The following COBL variants were observed in gnomAD, a reference collection of about 807,000 sequenced individuals.
COBL encodes the protein protein cordon-bleu.
Under a neutral mutation model 98.8 loss-of-function variants are expected in COBL, and 51 were observed. That is an observed-to-expected ratio of 0.52 (90% CI 0.41 to 0.65). The LOEUF is 0.65. COBL is among the 30% of genes least tolerant of loss of function. COBL has a pLI of 0.00. For missense variants in COBL, 1,617 were observed against 1,617.5 expected (o/e 1.00, Z 0.01); for synonymous variants, 634 against 651.7 (o/e 0.97, Z 0.41).
chr7:51,192,699 A>G (rs571452770), intron 3 of COBL, among the ~76,000 whole-genome samples: 4 of 152,230 alleles, frequency 2.6e-5, no homozygotes, highest in Non-Finnish European at 5.9e-5. Context: ...AGCTATGTAT[A>G]TAAGATATTC....
At chr7:51,172,123 T>C (rs1046217465) in intron 5 of COBL, among the ~76,000 whole-genome samples, 4 of 152,206 alleles carry the variant, frequency 2.6e-5, no homozygotes, top group African/African-American at 7.2e-5. Context: ...CTGAGAGCTA[T>C]AGGGTTGGAA....
chr7:51,091,659 C>A (rs1050273964), intron 6 of COBL, among the ~76,000 whole-genome samples: 34 of 152,010 alleles, frequency 2.2e-4, no homozygotes, highest in Non-Finnish European at 7.4e-5. Flanking sequence ...AATAGACATA[C>A]AAAATTTTAA....
rs567243524 is a variant in COBL, at chr7:51,142,894, C to T, written c.784-6563G>A. ...GGGTGCTTCAAAGATGGATGACATGCGATGTGTGTCCTCAGGCAGGCAGGA... is the reference window on the plus strand; with the variant it reads ...GGGTGCTTCAAAGATGGATGACATGTGATGTGTGTCCTCAGGCAGGCAGGA... On this transcript the variant is annotated intron_variant, in intron 5 of 12. Transcript: ENST00000265136. Among the ~76,000 whole-genome samples, 23 of 152,170 alleles carry T rather than the reference C, an allele frequency of 1.5e-4. No individual in the cohort carries two copies. In the South Asian group the frequency reaches 4.6e-3, roughly 30 times the overall value.
chr7:51,239,224 G>A (rs1339956619), intron 1 of COBL, among the ~76,000 whole-genome samples: 1 of 152,120 alleles, frequency 6.6e-6, no homozygotes, highest in African/African-American at 2.4e-5. Flanking sequence ...CTTAGTCACA[G>A]GATGAGATAG....
chr7:51,057,220 A>G (rs759094881), intron 7 of COBL, among the ~76,000 whole-genome samples: 2 of 152,190 alleles, frequency 1.3e-5, no homozygotes, highest in African/African-American at 2.4e-5. Context: ...TAATTGTCCT[A>G]TTTCATTGCT....
rs71018490 is a variant in COBL, at chr7:51,018,905, AATATATATATAT to A, written c.3769-1349_3769-1338del. Reference sequence around the variant, plus strand: ...AAACTCCATCTCAAAAAAAAAAAAAAATATATATATATATATATATATATATATATATATATA... The same window carrying A: ...AAACTCCATCTCAAAAAAAAAAAAAAATATATATATATATATATATATATA... On this transcript the variant is annotated intron_variant, in intron 12 of 12. Coordinates refer to ENST00000265136, the MANE Select transcript of COBL (RefSeq NM_015198.5). Among the ~76,000 whole-genome samples the A allele has an allele frequency of 7.8e-4, 27 of 34,438 alleles. 1 individual carries two copies. Among genetic ancestry groups the A allele is most frequent in the East Asian group, 7.7e-3 (6 of 784 alleles). 22.6% of individuals were successfully genotyped at this position (34,438 alleles called of 152,430 possible).
At chr7:51,268,373 C>A (rs1361148278) in intron 1 of COBL, among the ~76,000 whole-genome samples, 1 of 152,162 alleles carries the variant, frequency 6.6e-6, no homozygotes, top group Non-Finnish European at 1.5e-5. Context: ...GCCCTCTGGA[C>A]CCTCAAGCTC....
intron 6 of COBL, among the ~76,000 whole-genome samples, chr7:51,103,392 T>C (rs1795982506): frequency 2.0e-5 from 3 of 152,168 alleles, no homozygotes; most frequent in Admixed American, 1.3e-4. Flanking sequence ...GCATATATAT[T>C]GTAAATATTT....
At position 51,017,809 on chromosome 7, in the gene COBL, G is replaced by A. The variant is rs2285838; in HGVS notation, c.3769-241C>T. ...GACGACTAGCAGGATGCAGAGGCCC[G>A]AGGTCAAGGGAACTGGGAGGTGGGC... On this transcript the variant is annotated intron_variant, in intron 12 of 12. Transcript: ENST00000265136. Among the ~76,000 whole-genome samples the A allele has an allele frequency of 5.5e-3, 836 of 152,292 alleles. 34 individuals are homozygous for A. The East Asian group carries it at 0.095, about 17-fold the overall frequency.
At chr7:51,042,761 T>C (rs1196244468) in intron 8 of COBL, among the ~76,000 whole-genome samples, 2 of 152,226 alleles carry the variant, frequency 1.3e-5, no homozygotes, top group Non-Finnish European at 2.9e-5. Flanking sequence ...ATGCTCATCC[T>C]TCCTAATCAG....
intron 1 of COBL, among the ~76,000 whole-genome samples, chr7:51,295,308 T>A (rs1357784357): frequency 6.8e-6 from 1 of 147,778 alleles, no homozygotes; most frequent in African/African-American, 2.5e-5. Flanking sequence ...ACAACCTACA[T>A]GACAGGTTAG....
intron 1 of COBL, among the ~76,000 whole-genome samples, chr7:51,305,197 G>A (rs1033026506): frequency 1.3e-5 from 2 of 152,012 alleles, no homozygotes; most frequent in Non-Finnish European, 2.9e-5. Context: ...TAAAAACACC[G>A]CCCTAAGTAA....
chr7:51,316,415 GCACCACCACCCAACACCAGCACCCAA>G (rs1416862895), intron 1 of COBL, 152 bp downstream of exon 1: 1 of 399,360 alleles, frequency 2.5e-6, no homozygotes, highest in African/African-American at 2.1e-5. Flanking sequence ...TACACAGCAC[GCACCACCACCCAACACCAGCACCCAA>G]CACCAGCACC....
chr7:51,055,712 G>A (rs1398874470), intron 7 of COBL, among the ~76,000 whole-genome samples: 1 of 152,198 alleles, frequency 6.6e-6, no homozygotes, highest in Non-Finnish European at 1.5e-5. Flanking sequence ...GGCTTCCTTC[G>A]TACCTCCCCC....
chr7:51,043,244 G>C, intron 8 of COBL, 139 bp downstream of exon 8: 1 of 678,124 alleles, frequency 1.5e-6, no homozygotes, highest in Non-Finnish European at 2.5e-6. Flanking sequence ...CCTGAGAGCA[G>C]CTGCTGTGAA....
intron 4 of COBL, chr7:51,188,013 C>G: frequency 3.3e-6 from 4 of 1,220,602 alleles, no homozygotes; most frequent in Non-Finnish European, 4.1e-6. Context: ...GTGTGGGAGT[C>G]CCTGACCCAG....
chr7:51,178,268 T>A (rs1005731706), intron 5 of COBL, among the ~76,000 whole-genome samples: 1 of 152,134 alleles, frequency 6.6e-6, no homozygotes, highest in African/African-American at 2.4e-5. Context: ...TAAAAGCTGT[T>A]TTAAATTAAT....
At chr7:51,109,646 G>A (rs531915908) in intron 6 of COBL, among the ~76,000 whole-genome samples, 29 of 152,008 alleles carry the variant, frequency 1.9e-4, no homozygotes, top group Admixed American at 7.9e-4. Flanking sequence ...TACCAGGCTC[G>A]ATCACTCATT....
chr7:51,202,312 G>A (rs1791205551), intron 2 of COBL, among the ~76,000 whole-genome samples: 1 of 152,136 alleles, frequency 6.6e-6, no homozygotes, highest in Non-Finnish European at 1.5e-5. Context: ...TGCTAGTTTT[G>A]CAGTTGTGCC....
Sources: allele counts gnomAD v4.1 joint callset (sites outside exome capture counted in the v4.1 genomes callset), GRCh38; gene constraint gnomAD v4.1.1; transcripts MANE v1.5; gene names NCBI Gene and HGNC (gene_info 2026-07-23, HGNC 2026-07-21).